The following NAV3 variants were observed in gnomAD, a reference collection of about 807,000 sequenced individuals.
NAV3 encodes pore membrane and/or filament interacting like protein 1.
Under a neutral mutation model 244.7 loss-of-function variants are expected in NAV3, and 87 were observed. The ratio of observed to expected loss-of-function variants is 0.36; its 90% CI spans 0.30 to 0.42. The LOEUF (loss-of-function observed/expected upper bound fraction) is 0.42. Among genes scored for constraint, NAV3 ranks in the 20% least tolerant of loss-of-function variants. The probability of loss-of-function intolerance (pLI) is 1.00; values close to 1 mark genes in which losing one functional copy is unlikely to be tolerated. For synonymous variants in NAV3, 1,126 were observed against 1,042.2 expected (o/e 1.08, Z -1.55); for missense variants, 2,663 against 2,893.3 (o/e 0.92, Z 1.83).
At chr12:77,701,603 A>G (rs1875566270) in intron 2 of NAV3, among the ~76,000 whole-genome samples, 1 of 151,956 alleles carries the variant, frequency 6.6e-6, no homozygotes, top group South Asian at 2.1e-4. Context: ...TAATTTTTCT[A>G]ATATAAGCAT....
At chr12:77,967,042 A>T (rs1256896678) in intron 4 of NAV3, among the ~76,000 whole-genome samples, 4 of 152,114 alleles carry the variant, frequency 2.6e-5, no homozygotes, top group Non-Finnish European at 4.4e-5. Flanking sequence ...ATTAAATTAC[A>T]CATTTAATGA....
At chr12:77,990,475 C>G (rs1319017756) in intron 5 of NAV3, among the ~76,000 whole-genome samples, 1 of 152,086 alleles carries the variant, frequency 6.6e-6, no homozygotes, top group Non-Finnish European at 1.5e-5. Flanking sequence ...ATCTAAGAGG[C>G]CTGATGGTCA....
chr12:77,770,410 G>C (rs1254244978), intron 2 of NAV3, among the ~76,000 whole-genome samples: 1 of 152,148 alleles, frequency 6.6e-6, no homozygotes, highest in Non-Finnish European at 1.5e-5. Flanking sequence ...TTGAGTTTGG[G>C]CATGTCATGA....
intron 31 of NAV3, among the ~76,000 whole-genome samples, chr12:78,186,766 A>G (rs2139820398): frequency 6.6e-6 from 1 of 151,994 alleles, no homozygotes; most frequent in South Asian, 2.1e-4. Context: ...GGTGGCCTAA[A>G]CAACAGAAAT....
intron 24 of NAV3, among the ~76,000 whole-genome samples, chr12:78,170,898 C>A (rs1250230048): frequency 1.3e-5 from 2 of 151,704 alleles, no homozygotes; most frequent in Non-Finnish European, 2.9e-5. Context: ...TACTTCCCTT[C>A]TTAAAATTAC....
chr12:78,052,714 T>C (rs1298622395), intron 11 of NAV3, among the ~76,000 whole-genome samples: 1 of 151,868 alleles, frequency 6.6e-6, no homozygotes, highest in Non-Finnish European at 1.5e-5. Flanking sequence ...TCAGAAAACA[T>C]AATGGCAAAG....
chr12:78,164,550 T>C (rs1957700007), intron 23 of NAV3, among the ~76,000 whole-genome samples: 1 of 152,114 alleles, frequency 6.6e-6, no homozygotes, highest in South Asian at 2.1e-4. Context: ...AAAAAATATA[T>C]TGCTGGAGTC....
intron 2 of NAV3, among the ~76,000 whole-genome samples, chr12:77,579,960 A>G (rs1418853775): frequency 2.0e-5 from 3 of 152,306 alleles, no homozygotes; most frequent in African/African-American, 7.2e-5. Context: ...GTGAAAAACA[A>G]TAACTGGTAG....
At chr12:77,893,531 TA>T (rs1372279251) in intron 1 of NAV3, among the ~76,000 whole-genome samples, 11 of 151,766 alleles carry the variant, frequency 7.2e-5, no homozygotes, top group Non-Finnish European at 1.5e-5. Context: ...GGCATCTTAT[TA>T]AAAATGAATT....
chr12:78,200,751 T>A (rs1959581479), intron 38 of NAV3, among the ~76,000 whole-genome samples, 160 bp downstream of exon 38: 1 of 151,970 alleles, frequency 6.6e-6, no homozygotes, highest in African/African-American at 2.4e-5. Flanking sequence ...TAGTTTGTAA[T>A]ATTTTGCCTG....
chr12:77,855,084 G>A (rs1328783122), intron 1 of NAV3, among the ~76,000 whole-genome samples: 5 of 152,222 alleles, frequency 3.3e-5, no homozygotes, highest in African/African-American at 1.2e-4. Context: ...CTGAGATCGC[G>A]CCACTGCCCT....
intron 35 of NAV3, among the ~76,000 whole-genome samples, chr12:78,198,286 C>T (rs1399024263): frequency 6.6e-6 from 1 of 151,746 alleles, no homozygotes; most frequent in Non-Finnish European, 1.5e-5. Context: ...TTATCATAAG[C>T]ATTATAAGAT....
chr12:77,874,491 A>C (rs1881556367), intron 1 of NAV3, among the ~76,000 whole-genome samples: 1 of 152,160 alleles, frequency 6.6e-6, no homozygotes, highest in Non-Finnish European at 1.5e-5. Context: ...GATTACAGGC[A>C]TGATTCAGTA....
intron 2 of NAV3, among the ~76,000 whole-genome samples, chr12:77,710,306 T>C (rs949269925): frequency 6.6e-6 from 1 of 152,236 alleles, no homozygotes; most frequent in Non-Finnish European, 1.5e-5. Context: ...TAGGCTTAGA[T>C]TGTTAATCTA....
At chr12:77,734,631 G>C (rs1417669088) in intron 2 of NAV3, among the ~76,000 whole-genome samples, 2 of 152,108 alleles carry the variant, frequency 1.3e-5, no homozygotes, top group African/African-American at 4.8e-5. Flanking sequence ...GCAATAAATT[G>C]CAAAATGTGC....
At chr12:77,718,550 C>A (rs1876467150) in intron 2 of NAV3, among the ~76,000 whole-genome samples, 1 of 152,008 alleles carries the variant, frequency 6.6e-6, no homozygotes, top group South Asian at 2.1e-4. Flanking sequence ...ATTGTTTTGG[C>A]TATTTGGGGT....
At chr12:77,991,180 C>T (rs145014707) in intron 5 of NAV3, among the ~76,000 whole-genome samples, 5,652 of 152,118 alleles carry the variant, frequency 0.037, 354 homozygotes, top group African/African-American at 0.13. Context: ...CACGCACCAC[C>T]AGGTCTGGCT....
chr12:77,784,472 G>A (rs1870813978), intron 2 of NAV3, among the ~76,000 whole-genome samples: 1 of 152,194 alleles, frequency 6.6e-6, no homozygotes, highest in African/African-American at 2.4e-5. Context: ...CTGTGAAATT[G>A]AGCCTAGAAT....
intron 1 of NAV3, among the ~76,000 whole-genome samples, chr12:77,936,448 G>A (rs1335475655): frequency 6.6e-6 from 1 of 151,972 alleles, no homozygotes; most frequent in Non-Finnish European, 1.5e-5. Flanking sequence ...AAATCGTATT[G>A]GAAGCTTTAG....
Sources: gnomAD v4.1 joint callset for allele counts (sites outside exome capture counted in the v4.1 genomes callset) on GRCh38, gnomAD v4.1.1 for gene constraint, MANE v1.5 for transcripts, NCBI Gene and HGNC (gene_info 2026-07-23, HGNC 2026-07-21) for gene names.